BICC1: variants seen among roughly 807,000 people sequenced by gnomAD.
BICC1 encodes the protein protein bicaudal C homolog 1.
Under a neutral mutation model 111.0 loss-of-function variants are expected in BICC1, and 43 were observed. The observed-to-expected ratio is 0.39, with a 90% confidence interval of 0.30 to 0.50. BICC1 has a LOEUF of 0.50. BICC1 is among the 20% of genes least tolerant of loss of function. The pLI is 0.88. For missense variants in BICC1, 1,091 were observed against 1,203.2 expected (o/e 0.91, Z 1.38); for synonymous variants, 467 against 434.4 (o/e 1.07, Z -0.93).
At chr10:58,586,028 A>T (rs1006887382) in intron 1 of BICC1, among the ~76,000 whole-genome samples, 6 of 152,002 alleles carry the variant, frequency 3.9e-5, no homozygotes, top group African/African-American at 1.2e-4. Flanking sequence ...ATTAAGAGAC[A>T]CTCTCACCTT....
At chr10:58,610,634 G>A (rs1425306942) in intron 1 of BICC1, among the ~76,000 whole-genome samples, 4 of 150,694 alleles carry the variant, frequency 2.7e-5, no homozygotes, top group Admixed American at 1.3e-4. Flanking sequence ...TTTATTCTGA[G>A]CCATAGAGCC....
At chr10:58,566,347 C>CAT (rs753490931) in intron 1 of BICC1, among the ~76,000 whole-genome samples, 26 of 151,686 alleles carry the variant, frequency 1.7e-4, no homozygotes, top group Admixed American at 7.2e-4. Flanking sequence ...TATACATACA[C>CAT]ATATATATAT....
intron 1 of BICC1, among the ~76,000 whole-genome samples, chr10:58,586,424 A>G (rs1263706968): frequency 1.3e-5 from 2 of 152,030 alleles, no homozygotes; most frequent in African/African-American, 4.8e-5. Flanking sequence ...CGTGTCAGGC[A>G]CTGCTGTTAA....
chr10:58,543,833 TAAAAAA>T (rs11393752), intron 1 of BICC1, among the ~76,000 whole-genome samples: 1 of 135,002 alleles, frequency 7.4e-6, no homozygotes, highest in Non-Finnish European at 1.6e-5. Flanking sequence ...TAACCATAAT[TAAAAAA>T]AAAAAAAAAA....
At chr10:58,698,116 C>T (rs752771211) in intron 2 of BICC1, among the ~76,000 whole-genome samples, 11 of 152,206 alleles carry the variant, frequency 7.2e-5, no homozygotes, top group Non-Finnish European at 1.5e-4. Context: ...AGTGTGGCCC[C>T]TTCCTATGTG....
Position 58,587,744 on chromosome 10 carries a change from A to G in BICC1, c.191-33111A>G, listed in dbSNP as rs192840525. On this transcript the variant is annotated intron_variant, in intron 1 of 20. Coordinates refer to ENST00000373886, the MANE Select transcript of BICC1 (RefSeq NM_001080512.3). ...GTTCTATTGTAGGATAAAGTGGCGG[A>G]GTAGTATAAATAGGGTTTGGCTGGC... Among the ~76,000 whole-genome samples, 321 of 152,320 alleles carry G rather than the reference A, an allele frequency of 2.1e-3. 3 individuals are homozygous for G. The highest frequency in any genetic ancestry group is 7.3e-3 in the African/African-American group (303 of 41,584).
intron 18 of BICC1, chr10:58,814,196 C>G (rs1844011782): frequency 1.5e-6 from 1 of 648,594 alleles, no homozygotes. Context: ...TGCTTTCACT[C>G]TAGCACTTGC....
At chr10:58,757,949 A>G (rs1842191037) in intron 3 of BICC1, among the ~76,000 whole-genome samples, 1 of 152,152 alleles carries the variant, frequency 6.6e-6, no homozygotes, top group Non-Finnish European at 1.5e-5. Flanking sequence ...TGCATTTCCT[A>G]TCTCAGAAAC....
chr10:58,713,109 A>C (rs958905127), intron 3 of BICC1, among the ~76,000 whole-genome samples: 2 of 152,220 alleles, frequency 1.3e-5, no homozygotes, highest in African/African-American at 4.8e-5. Flanking sequence ...GTTTTATAAA[A>C]TTTTAAAAAA....
At chr10:58,688,930 A>G (rs1336720603) in intron 2 of BICC1, among the ~76,000 whole-genome samples, 1 of 152,172 alleles carries the variant, frequency 6.6e-6, no homozygotes, top group Non-Finnish European at 1.5e-5. Context: ...CCTAATGTAG[A>G]TGTCGGGTTG....
chr10:58,556,115 G>T (rs901815895), intron 1 of BICC1, among the ~76,000 whole-genome samples: 4 of 152,062 alleles, frequency 2.6e-5, no homozygotes, highest in Non-Finnish European at 5.9e-5. Flanking sequence ...TTAACTTAGG[G>T]TGATTGCGAA....
chr10:58,750,891 T>C (rs1218294971), intron 3 of BICC1, among the ~76,000 whole-genome samples: 2 of 152,308 alleles, frequency 1.3e-5, no homozygotes, highest in South Asian at 2.1e-4. Flanking sequence ...AGGGTGCTCA[T>C]TGAAAACAGC....
At chr10:58,518,078 A>G (rs949974347) in intron 1 of BICC1, among the ~76,000 whole-genome samples, 18 of 152,296 alleles carry the variant, frequency 1.2e-4, no homozygotes, top group African/African-American at 4.1e-4. Context: ...GCTCCATTAG[A>G]CATGAGTGTG....
chr10:58,803,588 GAT>G (rs1453602399), intron 15 of BICC1, among the ~76,000 whole-genome samples: 1 of 152,050 alleles, frequency 6.6e-6, no homozygotes, highest in Non-Finnish European at 1.5e-5. Context: ...CATAGTCTTG[GAT>G]AAATAGATAT....
intron 1 of BICC1, among the ~76,000 whole-genome samples, chr10:58,585,316 T>C (rs1460331617): frequency 6.6e-6 from 1 of 152,188 alleles, no homozygotes; most frequent in African/African-American, 2.4e-5. Flanking sequence ...AAATCAGGTA[T>C]GATTCAGTTG....
At chr10:58,546,329 G>C (rs1658455) in intron 1 of BICC1, among the ~76,000 whole-genome samples, 69,914 of 152,006 alleles carry the variant, frequency 0.46, 17,144 homozygotes, top group Admixed American at 0.62. Flanking sequence ...GGGGCTGCCT[G>C]TGTTGTATTA....
At chr10:58,766,316 A>C (rs1842454877) in intron 3 of BICC1, among the ~76,000 whole-genome samples, 2 of 152,198 alleles carry the variant, frequency 1.3e-5, no homozygotes, top group South Asian at 4.1e-4. Flanking sequence ...GACTGGCAAA[A>C]AAACTGGAAC....
intron 1 of BICC1, among the ~76,000 whole-genome samples, chr10:58,579,378 C>T (rs185024137): frequency 5.9e-5 from 9 of 152,290 alleles, no homozygotes; most frequent in Non-Finnish European, 7.3e-5. Flanking sequence ...CTGGTGCTGA[C>T]GTGTCACACC....
intron 1 of BICC1, among the ~76,000 whole-genome samples, chr10:58,587,579 G>T (rs2132030288): frequency 6.6e-6 from 1 of 152,324 alleles, no homozygotes; most frequent in East Asian, 1.9e-4. Flanking sequence ...CTTAAAGCTT[G>T]TGGTTGGAGA....
Sources: gnomAD v4.1 joint callset for allele counts (sites outside exome capture counted in the v4.1 genomes callset) on GRCh38, gnomAD v4.1.1 for gene constraint, MANE v1.5 for transcripts, NCBI Gene and HGNC (gene_info 2026-07-23, HGNC 2026-07-21) for gene names.